The following CDKAL1 variants were observed in gnomAD, a reference collection of about 807,000 sequenced individuals.
The protein encoded by CDKAL1 is CDKAL1 threonylcarbamoyladenosine tRNA methylthiotransferase, also known as threonylcarbamoyladenosine tRNA methylthiotransferase.
CDKAL1 carries 32 observed loss-of-function variants against 68.2 expected under a neutral mutation model. That is an observed-to-expected ratio of 0.47 (90% CI 0.35 to 0.63). The LOEUF is 0.63. CDKAL1 is among the 30% of genes least tolerant of loss of function. The pLI, the probability that CDKAL1 is intolerant of heterozygous loss-of-function variation, is 0.00. For missense variants in CDKAL1, 606 were observed against 696.7 expected (o/e 0.87, Z 1.47); for synonymous variants, 234 against 244.3 (o/e 0.96, Z 0.39).
intron 4 of CDKAL1, among the ~76,000 whole-genome samples, chr6:20,638,078 C>T (rs1290951050): frequency 6.6e-6 from 1 of 152,140 alleles, no homozygotes. Flanking sequence ...ACTGCTAGGT[C>T]TGAGAATATG....
At chr6:21,021,667 C>T (rs1383901441) in intron 11 of CDKAL1, among the ~76,000 whole-genome samples, 3 of 152,092 alleles carry the variant, frequency 2.0e-5, no homozygotes, top group African/African-American at 7.2e-5. Context: ...TCTCTAAGAA[C>T]GATGCCATCC....
chr6:21,217,479 T>C (rs1779381935), intron 15 of CDKAL1, among the ~76,000 whole-genome samples: 1 of 140,892 alleles, frequency 7.1e-6, no homozygotes, highest in Non-Finnish European at 1.5e-5. Flanking sequence ...TTTTTATTTT[T>C]TATTTTTATT....
intron 4 of CDKAL1, among the ~76,000 whole-genome samples, chr6:20,643,502 A>G (rs1768286674): frequency 6.6e-6 from 1 of 152,226 alleles, no homozygotes; most frequent in Non-Finnish European, 1.5e-5. Flanking sequence ...TGCAGAGTTG[A>G]TGGTGTTTCT....
At chr6:20,649,232 G>A in intron 4 of CDKAL1, 61 bp from the exon 5 acceptor site, 1 of 1,139,512 alleles carries the variant, frequency 8.8e-7, no homozygotes, top group Non-Finnish European at 1.3e-6. Flanking sequence ...CAGTGCCACT[G>A]GATATTTTTG....
rs144694375 is a variant in CDKAL1 at position 21,230,507 on chromosome 6, G to A, written c.1549-341G>A. Reference sequence around the variant, plus strand: ...CTTCCATTGCTGAGAAGATATGGTTGCATCTCTCTAAGAGTTAAATATGTC... The same window carrying A: ...CTTCCATTGCTGAGAAGATATGGTTACATCTCTCTAAGAGTTAAATATGTC... On this transcript the variant is annotated intron_variant, in intron 15 of 15. Transcript: ENST00000274695. Among the ~76,000 whole-genome samples the A allele has an allele frequency of 5.5e-4, 84 of 152,314 alleles. 1 individual carries two copies. In the East Asian group the frequency reaches 0.012, roughly 22 times the overall value.
chr6:20,751,688 A>G (rs1345442038), intron 6 of CDKAL1, among the ~76,000 whole-genome samples: 1 of 152,212 alleles, frequency 6.6e-6, no homozygotes, highest in Non-Finnish European at 1.5e-5. Context: ...AAAGTTCTGC[A>G]GTAGAATGAC....
intron 6 of CDKAL1, among the ~76,000 whole-genome samples, chr6:20,758,091 C>CT (rs34767457): frequency 0.45 from 67,703 of 151,744 alleles, 15,286 homozygotes; most frequent in South Asian, 0.5. Flanking sequence ...TATTATTTGA[C>CT]TTTGTATTTC....
chr6:20,950,285 C>T (rs572784218), intron 9 of CDKAL1, among the ~76,000 whole-genome samples: 34 of 151,884 alleles, frequency 2.2e-4, no homozygotes, highest in Admixed American at 1.9e-3. Flanking sequence ...CCACCACGCC[C>T]GGCTAATTTT....
At chr6:21,131,996 A>G (rs1775346446) in intron 13 of CDKAL1, among the ~76,000 whole-genome samples, 1 of 152,180 alleles carries the variant, frequency 6.6e-6, no homozygotes, top group Admixed American at 6.5e-5. Flanking sequence ...TTAAAGCAAT[A>G]CAAATTTAAA....
intron 13 of CDKAL1, among the ~76,000 whole-genome samples, chr6:21,143,477 G>A (rs1158554822): frequency 2.0e-5 from 3 of 152,140 alleles, no homozygotes; most frequent in African/African-American, 4.8e-5. Flanking sequence ...GTGACTAGCA[G>A]CCTTAGACAA....
At chr6:20,633,737 A>G (rs772473201) in intron 4 of CDKAL1, among the ~76,000 whole-genome samples, 1 of 152,302 alleles carries the variant, frequency 6.6e-6, no homozygotes, top group East Asian at 1.9e-4. Context: ...GTGAAGTGCT[A>G]TCTCATTGTG....
intron 4 of CDKAL1, among the ~76,000 whole-genome samples, chr6:20,638,764 T>G (rs1373628162): frequency 9.0e-6 from 1 of 110,520 alleles, no homozygotes; most frequent in Non-Finnish European, 2.0e-5. Flanking sequence ...ACCATAAGTA[T>G]CTGGGATTAC....
chr6:21,205,543 T>TTG (rs1013023902), intron 15 of CDKAL1, among the ~76,000 whole-genome samples: 6 of 152,070 alleles, frequency 3.9e-5, no homozygotes, highest in Admixed American at 6.5e-5. Flanking sequence ...TTGTTTTGTT[T>TTG]TTTTTGAGAC....
intron 10 of CDKAL1, among the ~76,000 whole-genome samples, chr6:20,960,517 A>G (rs1379190435): frequency 1.3e-5 from 2 of 152,228 alleles, no homozygotes; most frequent in African/African-American, 2.4e-5. Flanking sequence ...ATGGTGCATC[A>G]TGATTACTTA....
intron 15 of CDKAL1, among the ~76,000 whole-genome samples, chr6:21,213,386 C>T (rs982192912): frequency 6.6e-5 from 10 of 152,142 alleles, no homozygotes; most frequent in Admixed American, 3.9e-4. Flanking sequence ...AATAATATCT[C>T]GTTCATGAAC....
intron 4 of CDKAL1, among the ~76,000 whole-genome samples, chr6:20,631,999 A>G (rs543782696): frequency 1.3e-5 from 2 of 152,326 alleles, no homozygotes; most frequent in South Asian, 2.1e-4. Flanking sequence ...CATTCATCAC[A>G]TCTGTTAAAT....
At chr6:21,200,509 G>A (rs781196229) in intron 14 of CDKAL1, among the ~76,000 whole-genome samples, 2 of 152,124 alleles carry the variant, frequency 1.3e-5, no homozygotes, top group Admixed American at 6.5e-5. Flanking sequence ...ACACAAACAC[G>A]CAGGCCTGTT....
chr6:20,544,031 C>T (rs1358264794), intron 2 of CDKAL1, among the ~76,000 whole-genome samples: 1 of 151,966 alleles, frequency 6.6e-6, no homozygotes, highest in Non-Finnish European at 1.5e-5. Context: ...AGCCACTGCG[C>T]CCAGCCTATG....
At chr6:20,681,045 G>C (rs1368023857) in intron 5 of CDKAL1, among the ~76,000 whole-genome samples, 1 of 152,170 alleles carries the variant, frequency 6.6e-6, no homozygotes, top group African/African-American at 2.4e-5. Context: ...ACACAGATGA[G>C]GAAGGATACC....
Sources: gnomAD v4.1 joint callset for allele counts (sites outside exome capture counted in the v4.1 genomes callset) on GRCh38, gnomAD v4.1.1 for gene constraint, MANE v1.5 for transcripts, NCBI Gene and HGNC (gene_info 2026-07-23, HGNC 2026-07-21) for gene names.